The following TAFA2 variants were observed in gnomAD, a reference collection of about 807,000 sequenced individuals.
TAFA2 encodes the protein chemokine-like protein TAFA-2.
In TAFA2, 7 loss-of-function variants were observed where a neutral mutation model predicts 18.8. The observed-to-expected ratio is 0.37, with a 90% CI of 0.21 to 0.70. The LOEUF (loss-of-function observed/expected upper bound fraction) is 0.70, where lower values mean the gene tolerates loss of function less well. Among genes scored for constraint, TAFA2 ranks in the 30% least tolerant of loss-of-function variants. The probability of loss-of-function intolerance (pLI) is 0.53; values close to 1 mark genes in which losing one functional copy is unlikely to be tolerated. For synonymous variants in TAFA2, 60 were observed against 54.2 expected, an observed-to-expected ratio of 1.11 and a Z score of -0.47; for missense variants, 122 against 158.1, an observed-to-expected ratio of 0.77 and a Z score of 1.23.
At chr12:61,993,505 T>C (rs1483544512) in intron 1 of TAFA2, among the ~76,000 whole-genome samples, 1 of 152,152 alleles carries the variant, frequency 6.6e-6, no homozygotes, top group Non-Finnish European at 1.5e-5. Flanking sequence ...AAATGATGTA[T>C]TACCTTGAAG....
chr12:61,794,165 C>T (rs1291647914), intron 2 of TAFA2, among the ~76,000 whole-genome samples: 1 of 151,930 alleles, frequency 6.6e-6, no homozygotes, highest in Non-Finnish European at 1.5e-5. Context: ...ACTCCCACCA[C>T]CTGTATTCAA....
chr12:62,202,224 T>A (rs1042915274), intron 1 of TAFA2, among the ~76,000 whole-genome samples: 4 of 152,128 alleles, frequency 2.6e-5, no homozygotes, highest in African/African-American at 9.7e-5. Context: ...GTTTTTCATA[T>A]CCCTATCTAC....
At chr12:61,940,183 G>A (rs907512440) in intron 1 of TAFA2, among the ~76,000 whole-genome samples, 1 of 152,202 alleles carries the variant, frequency 6.6e-6, no homozygotes, top group Non-Finnish European at 1.5e-5. Flanking sequence ...GATAGTGGCA[G>A]TGCCAGCTTC....
intron 1 of TAFA2, among the ~76,000 whole-genome samples, chr12:62,206,025 C>T (rs1206931418): frequency 2.6e-5 from 4 of 152,158 alleles, no homozygotes; most frequent in African/African-American, 4.8e-5. Flanking sequence ...CCTGCTTTTC[C>T]TCGCTCTCCA....
rs547340073 is a variant in TAFA2, at chr12:61,715,112, TCAAA to T, written c.385-4699_385-4696del. Reference sequence around the variant, plus strand: ...TAGTAGGTGGTAGAAGTAGAAATTCTCAAACAAGATACAAAAGGTGATACATAGG... The same window carrying T: ...TAGTAGGTGGTAGAAGTAGAAATTCTCAAGATACAAAAGGTGATACATAGG... On this transcript the variant is annotated intron_variant, in intron 4 of 4. Coordinates refer to ENST00000416284, the MANE Select transcript of TAFA2 (RefSeq NM_178539.5). Among the ~76,000 whole-genome samples, 274 of 152,288 alleles carry T rather than the reference TCAAA, an allele frequency of 1.8e-3. 3 individuals carry two copies. Among genetic ancestry groups the T allele is most frequent in the African/African-American group, 6.4e-3 (266 of 41,568 alleles).
chr12:62,118,863 T>C (rs766872033), intron 1 of TAFA2, among the ~76,000 whole-genome samples: 8 of 152,186 alleles, frequency 5.3e-5, no homozygotes, highest in Non-Finnish European at 1.2e-4. Context: ...TTGTCCGTTA[T>C]GTAGATTGTC....
chr12:61,786,069 G>C (rs77780718), intron 2 of TAFA2, among the ~76,000 whole-genome samples: 6,928 of 151,554 alleles, frequency 0.046, 501 homozygotes, highest in African/African-American at 0.16. Flanking sequence ...GTACTAATCA[G>C]CATTTGCTTA....
chr12:61,807,558 A>G (rs1009879728), intron 2 of TAFA2, among the ~76,000 whole-genome samples: 2 of 151,286 alleles, frequency 1.3e-5, no homozygotes, highest in African/African-American at 4.9e-5. Flanking sequence ...ACCATCCTCC[A>G]TACCCTAGAA....
intron 4 of TAFA2, among the ~76,000 whole-genome samples, chr12:61,722,260 T>C (rs1471438032): frequency 6.6e-6 from 1 of 152,104 alleles, no homozygotes; most frequent in Non-Finnish European, 1.5e-5. Flanking sequence ...AGAAGAAAAA[T>C]ATATTTTCTA....
In TAFA2 at chr12:62,180,077, C is replaced by A. The variant is rs376591431; in HGVS notation, c.-2+11182G>T. Among the ~76,000 whole-genome samples, 7 of 152,258 alleles carry A rather than the reference C, an allele frequency of 4.6e-5. No homozygotes were observed. The East Asian group carries it at 9.6e-4, about 21-fold the overall frequency. Reference sequence around the variant, plus strand: ...GAAAATCATAGCTCACCCAGTTTTCCTAGTAGTGTAACATGGACTCTGCTC... The same window carrying A: ...GAAAATCATAGCTCACCCAGTTTTCATAGTAGTGTAACATGGACTCTGCTC... On this transcript the variant is annotated intron_variant, in intron 1 of 4. Coordinates refer to ENST00000416284, the MANE Select transcript of TAFA2 (RefSeq NM_178539.5).
intron 1 of TAFA2, among the ~76,000 whole-genome samples, chr12:61,954,248 T>TA (rs1878573416): frequency 6.6e-6 from 1 of 152,072 alleles, no homozygotes; most frequent in Non-Finnish European, 1.5e-5. Context: ...TATATAGAAA[T>TA]AAAGTTCTAG....
At chr12:62,052,002 C>T (rs1053009422) in intron 1 of TAFA2, among the ~76,000 whole-genome samples, 1 of 152,088 alleles carries the variant, frequency 6.6e-6, no homozygotes, top group South Asian at 2.1e-4. Flanking sequence ...TGTTATATTT[C>T]CATAAAACTT....
intron 1 of TAFA2, among the ~76,000 whole-genome samples, chr12:62,061,196 C>T (rs1882339222): frequency 6.6e-6 from 1 of 152,188 alleles, no homozygotes. Context: ...CTAACTGACT[C>T]ACCCAGAGCA....
intron 2 of TAFA2, among the ~76,000 whole-genome samples, chr12:61,832,566 C>T (rs1592419827): frequency 6.6e-6 from 1 of 152,050 alleles, no homozygotes; most frequent in East Asian, 1.9e-4. Context: ...AATTCATTAA[C>T]ATAATAAAAT....
intron 1 of TAFA2, among the ~76,000 whole-genome samples, chr12:61,993,152 A>T (rs1043617537): frequency 1.3e-5 from 2 of 152,124 alleles, no homozygotes; most frequent in Admixed American, 1.3e-4. Context: ...ACTGTTCCCT[A>T]AACTGGGCTG....
At chr12:62,226,495 C>A (rs2062787415) in intron 1 of TAFA2, among the ~76,000 whole-genome samples, 1 of 152,192 alleles carries the variant, frequency 6.6e-6, no homozygotes, top group African/African-American at 2.4e-5. Context: ...CCGCACCCGG[C>A]CTTGATTACT....
At chr12:62,214,346 C>G (rs774376297) in intron 1 of TAFA2, among the ~76,000 whole-genome samples, 5 of 152,080 alleles carry the variant, frequency 3.3e-5, no homozygotes, top group Non-Finnish European at 7.4e-5. Context: ...ATGGGAGTTC[C>G]CCTGCACAAG....
At chr12:61,740,682 T>G (rs898126663) in intron 4 of TAFA2, among the ~76,000 whole-genome samples, 12 of 151,844 alleles carry the variant, frequency 7.9e-5, no homozygotes, top group African/African-American at 2.9e-4. Context: ...TAAATTTATA[T>G]AAATAAGCAA....
Position 61,850,348 on chromosome 12 carries a change from G to A in TAFA2, c.106+16972C>T, listed in dbSNP as rs181161938. On this transcript the variant is annotated intron_variant, in intron 2 of 4. Coordinates refer to ENST00000416284, the MANE Select transcript of TAFA2 (RefSeq NM_178539.5). ...AGGGGATGATCAGTCATTGTAATAT[G>A]TTAAATATATTATCTTATCTAAATA... Among the ~76,000 whole-genome samples, 771 of 151,576 alleles carry A rather than the reference G, an allele frequency of 5.1e-3. 3 individuals carry two copies. Among genetic ancestry groups the A allele is most frequent in the Middle Eastern group, 0.014 (4 of 286 alleles).
Sources: allele counts gnomAD v4.1 joint callset (sites outside exome capture counted in the v4.1 genomes callset), GRCh38; gene constraint gnomAD v4.1.1; transcripts MANE v1.5; gene names NCBI Gene and HGNC (gene_info 2026-07-23, HGNC 2026-07-21).